Variants in ABR observed in about 807,000 individuals in gnomAD.
The protein encoded by ABR is ABR activator of RhoGEF and GTPase, also known as active breakpoint cluster region-related protein.
ABR carries 35 observed loss-of-function variants against 107.2 expected under a neutral mutation model. The observed-to-expected ratio is 0.33, with a 90% CI of 0.25 to 0.43. The LOEUF (loss-of-function observed/expected upper bound fraction) is 0.43. ABR is among the 20% of genes least tolerant of loss of function. The pLI, the probability that ABR is intolerant of heterozygous loss-of-function variation, is 1.00. For synonymous variants in ABR, 498 were observed against 462.0 expected (o/e 1.08, Z -1.00); for missense variants, 815 against 1,115.2 (o/e 0.73, Z 3.83).
In ABR at chr17:1,037,857, C is replaced by T. The variant is rs148556986; in HGVS notation, c.1791+12193G>A. ...GTGGCCAGAAGCAAAGCCCTGGGAG[C>T]CAGGGACCTGTGGACTCAACGGCTG... On this transcript the variant is annotated intron_variant, in intron 16 of 22. Coordinates refer to ENST00000302538, the MANE Select transcript of ABR (RefSeq NM_021962.5). This position sits in a 1 kb window ranked among gnomAD's most constrained non-coding sequence, Gnocchi z 4.6. Among the ~76,000 whole-genome samples the T allele has an allele frequency of 2.0e-4, 31 of 152,298 alleles. No individual in the cohort carries two copies. The highest frequency in any genetic ancestry group is 6.5e-4 in the African/African-American group (27 of 41,572).
At chr17:1,195,169 C>T (rs374504506) in intron 1 of ABR, among the ~76,000 whole-genome samples, 11 of 147,544 alleles carry the variant, frequency 7.5e-5, no homozygotes, top group South Asian at 2.2e-4. Context: ...TAGCCGGGCG[C>T]AGTGGCGGGC....
At chr17:1,112,539 A>G (rs1322042943) in intron 2 of ABR, among the ~76,000 whole-genome samples, 1 of 142,546 alleles carries the variant, frequency 7.0e-6, no homozygotes, top group Non-Finnish European at 1.5e-5. Flanking sequence ...GGAGGCTGCA[A>G]TGAGCTATGA....
intron 1 of ABR, among the ~76,000 whole-genome samples, chr17:1,207,649 CA>C (rs376092819): frequency 2.0e-3 from 176 of 86,154 alleles, no homozygotes; most frequent in African/African-American, 5.9e-3. Context: ...AACTCCGTCT[CA>C]AAAAAAAAAA....
chr17:1,144,176 A>G (rs958165870), intron 1 of ABR, among the ~76,000 whole-genome samples: 1 of 152,174 alleles, frequency 6.6e-6, no homozygotes, highest in African/African-American at 2.4e-5. Context: ...TCTGTAGGAA[A>G]GACAGTTATG....
chr17:1,074,180 C>T (rs981591478), intron 6 of ABR, among the ~76,000 whole-genome samples: 6 of 142,964 alleles, frequency 4.2e-5, no homozygotes, highest in South Asian at 2.3e-4. Context: ...AGCCACGCCC[C>T]GCAGAGTCTA....
At chr17:1,174,777 C>A (rs1394435256) in intron 1 of ABR, among the ~76,000 whole-genome samples, 1 of 152,144 alleles carries the variant, frequency 6.6e-6, no homozygotes, top group African/African-American at 2.4e-5. Flanking sequence ...CAAATGGAGG[C>A]CGAAGTGGCA....
intron 1 of ABR, among the ~76,000 whole-genome samples, chr17:1,214,745 G>T (rs1482762830): frequency 2.0e-5 from 3 of 152,048 alleles, no homozygotes; most frequent in Admixed American, 1.3e-4. Context: ...ATGTTGCAGC[G>T]AGCCAAGATC....
intron 16 of ABR, chr17:1,031,653 G>A: frequency 7.9e-7 from 1 of 1,258,826 alleles, no homozygotes; most frequent in Non-Finnish European, 1.0e-6. Flanking sequence ...GCCGGTGTTG[G>A]GGGGGCGCTT....
At chr17:1,023,335 C>T (rs2071879100) in intron 16 of ABR, among the ~76,000 whole-genome samples, 1 of 152,234 alleles carries the variant, frequency 6.6e-6, no homozygotes, top group Non-Finnish European at 1.5e-5. Context: ...AGGCACATCT[C>T]CCCCAGCGGC....
intron 22 of ABR, 123 bp from the exon 23 acceptor site, chr17:1,006,292 GC>G: frequency 1.1e-6 from 1 of 890,472 alleles, no homozygotes; most frequent in South Asian, 1.6e-5. Flanking sequence ...TTCCTGGGGA[GC>G]CCAGGTGTGT....
Position 1,096,572 on chromosome 17 carries a change from G to A in ABR, c.345+4065C>T, listed in dbSNP as rs571479196. 7.9e-5 allele frequency among the ~76,000 whole-genome samples: 12 copies of A among 152,286 alleles called. No homozygotes were observed. In the South Asian group the frequency reaches 2.1e-3, roughly 26 times the overall value. On this transcript the variant is annotated intron_variant, in intron 3 of 22. Transcript: ENST00000302538. ...TGTGGAGGGTCCTACTCCTCTTCCT[G>A]AGCCCTCCTACCACAGACCTGGCCT...
chr17:1,152,506 A>G (rs563750244), intron 1 of ABR, among the ~76,000 whole-genome samples: 2 of 146,350 alleles, frequency 1.4e-5, no homozygotes, highest in Admixed American at 1.4e-4. Context: ...CAGAAGAATC[A>G]CTTGAGTCCA....
intron 16 of ABR, among the ~76,000 whole-genome samples, chr17:1,036,633 G>C (rs1001032979): frequency 3.3e-5 from 5 of 151,846 alleles, no homozygotes; most frequent in African/African-American, 1.2e-4. Flanking sequence ...GGGAGCCCGG[G>C]GTGCCCAGCG....
At chr17:1,018,103 C>T (rs1045560200) in intron 16 of ABR, among the ~76,000 whole-genome samples, 10 of 151,290 alleles carry the variant, frequency 6.6e-5, no homozygotes, top group East Asian at 1.9e-4. Context: ...AGTGCTGTGG[C>T]GCGATCCTGG....
At chr17:1,163,309 C>G (rs966364406) in intron 1 of ABR, among the ~76,000 whole-genome samples, 1 of 152,218 alleles carries the variant, frequency 6.6e-6, no homozygotes, top group African/African-American at 2.4e-5. Flanking sequence ...GACTCTGTAT[C>G]GACCCTGTAA....
intron 2 of ABR, among the ~76,000 whole-genome samples, chr17:1,101,565 C>T (rs2037867426): frequency 6.6e-6 from 1 of 152,048 alleles, no homozygotes; most frequent in Non-Finnish European, 1.5e-5. Flanking sequence ...AGTATGAATA[C>T]CGCAAAACGC....
chr17:1,140,244 A>G (rs2040236201), intron 1 of ABR, among the ~76,000 whole-genome samples: 1 of 152,228 alleles, frequency 6.6e-6, no homozygotes, highest in Non-Finnish European at 1.5e-5. Context: ...CTGGGCTTGG[A>G]GGGCTGAGCG....
At chr17:1,117,758 T>C (rs1183487983) in intron 2 of ABR, among the ~76,000 whole-genome samples, 60 of 54,946 alleles carry the variant, frequency 1.1e-3, no homozygotes, top group East Asian at 7.2e-3. Context: ...CCTGAGTTCC[T>C]CCCAGCGTTA....
rs756099387 is a variant in ABR, at chr17:1,004,614, C to T, written c.*1466G>A. ...AGCCGCAGCTCGTGTGGGAAGTGTA[C>T]GGTGGGAACACACCTCACTCCTTCC... On this transcript the variant is annotated 3_prime_UTR_variant, in exon 23 of 23. Transcript: ENST00000302538. 45 of 158,260 alleles carry T rather than the reference C, an allele frequency of 2.8e-4. No individual in the cohort carries two copies. The highest frequency in any genetic ancestry group is 9.1e-4 in the African/African-American group (38 of 41,858). The allele number at this position is 158,260 out of a possible 1,614,324, so 9.8% of individuals were successfully genotyped here.
Sources: allele counts gnomAD v4.1 joint callset (sites outside exome capture counted in the v4.1 genomes callset), GRCh38; gene constraint gnomAD v4.1.1; non-coding constraint Gnocchi (gnomAD v3.1); transcripts MANE v1.5; gene names NCBI Gene and HGNC (gene_info 2026-07-23, HGNC 2026-07-21).